Variants in PRKG1 observed in about 807,000 individuals in gnomAD.
PRKG1 encodes the protein protein kinase cGMP-dependent 1.
PRKG1 carries 35 observed loss-of-function variants against 88.1 expected under a neutral mutation model. The ratio of observed to expected loss-of-function variants is 0.40; its 90% CI spans 0.30 to 0.53. The LOEUF is 0.53. Among genes scored for constraint, PRKG1 ranks in the 20% least tolerant of loss-of-function variants. PRKG1 has a pLI of 0.59. For synonymous variants in PRKG1, 303 were observed against 292.5 expected (o/e 1.04, Z -0.37); for missense variants, 540 against 839.8 (o/e 0.64, Z 4.41).
intron 3 of PRKG1, among the ~76,000 whole-genome samples, chr10:51,622,579 G>T (rs146821681): frequency 6.6e-6 from 1 of 152,130 alleles, no homozygotes; most frequent in Admixed American, 6.5e-5. Flanking sequence ...ATTGAAAACG[G>T]TCATGGGAAT....
intron 10 of PRKG1, among the ~76,000 whole-genome samples, chr10:52,271,137 G>T (rs1841720577): frequency 6.6e-6 from 1 of 152,054 alleles, no homozygotes; most frequent in African/African-American, 2.4e-5. Flanking sequence ...TTGGAATCAA[G>T]TTAGTTAAAA....
chr10:51,571,150 A>G (rs1339016937), intron 3 of PRKG1, among the ~76,000 whole-genome samples: 2 of 152,034 alleles, frequency 1.3e-5, no homozygotes, highest in East Asian at 3.9e-4. Context: ...CCCTTAAGTA[A>G]TTAGGGTTGT....
At chr10:51,162,913 C>T (rs560581942) in intron 2 of PRKG1, among the ~76,000 whole-genome samples, 1 of 152,198 alleles carries the variant, frequency 6.6e-6, no homozygotes, top group African/African-American at 2.4e-5. Flanking sequence ...GAAATGGGCT[C>T]TCACTATGTT....
chr10:51,181,817 A>G (rs966710312), intron 2 of PRKG1, among the ~76,000 whole-genome samples: 1 of 152,238 alleles, frequency 6.6e-6, no homozygotes, highest in Non-Finnish European at 1.5e-5. Flanking sequence ...ACAGGTCTGC[A>G]TGACCATGGA....
Position 51,330,672 on chromosome 10 carries a change from T to A in PRKG1, c.479-137051T>A, listed in dbSNP as rs377636898. On this transcript the variant is annotated intron_variant, in intron 2 of 17. Coordinates refer to ENST00000373980, the MANE Select transcript of PRKG1 (RefSeq NM_006258.4). ...TATTGTTTTCTTCCAAGATTTCTGTTTGACTTTTTTCAAATCCTGTATTAA... is the reference window on the plus strand; with the variant it reads ...TATTGTTTTCTTCCAAGATTTCTGTATGACTTTTTTCAAATCCTGTATTAA... Among the ~76,000 whole-genome samples, 24 of 151,998 alleles carry A rather than the reference T, an allele frequency of 1.6e-4. 1 individual carries two copies. The highest frequency in any genetic ancestry group is 1.4e-3 in the Admixed American group (21 of 15,262).
intron 2 of PRKG1, among the ~76,000 whole-genome samples, chr10:51,420,726 G>A (rs1838387141): frequency 6.6e-6 from 1 of 152,196 alleles, no homozygotes; most frequent in Non-Finnish European, 1.5e-5. Flanking sequence ...AGAAATACCT[G>A]AGACTGGGTA....
intron 3 of PRKG1, among the ~76,000 whole-genome samples, chr10:51,596,878 C>T (rs1248390980): frequency 2.0e-5 from 3 of 152,050 alleles, no homozygotes; most frequent in African/African-American, 7.2e-5. Flanking sequence ...TAACAGTGGC[C>T]AGTGCTGTTC....
chr10:51,766,260 C>T lies in PRKG1; in HGVS notation c.593-38325C>T, dbSNP rs529005913. Reference sequence around the variant, plus strand: ...TTATAAAAAAGCAGTGAGGGCTGGGCATCTCATTTGCATAAGGCACACATT... The same window carrying T: ...TTATAAAAAAGCAGTGAGGGCTGGGTATCTCATTTGCATAAGGCACACATT... On this transcript the variant is annotated intron_variant, in intron 3 of 17. Coordinates refer to ENST00000373980, the MANE Select transcript of PRKG1 (RefSeq NM_006258.4). Among the ~76,000 whole-genome samples, 3 of 152,254 alleles carry T rather than the reference C, an allele frequency of 2.0e-5. No homozygotes were observed. In the East Asian group the frequency reaches 5.8e-4, roughly 29 times the overall value.
chr10:52,281,414 C>A (rs1012727073), intron 13 of PRKG1, among the ~76,000 whole-genome samples: 3 of 150,384 alleles, frequency 2.0e-5, no homozygotes, highest in Non-Finnish European at 4.4e-5. Flanking sequence ...AAGAGAAGTT[C>A]TTTTATTTAC....
intron 9 of PRKG1, among the ~76,000 whole-genome samples, chr10:52,220,661 A>G (rs1042576523): frequency 1.3e-5 from 2 of 152,100 alleles, no homozygotes; most frequent in African/African-American, 4.8e-5. Flanking sequence ...AAGTGAGAAC[A>G]TGCAGTATTT....
intron 2 of PRKG1, among the ~76,000 whole-genome samples, chr10:51,247,559 A>G (rs1281153286): frequency 6.6e-6 from 1 of 151,964 alleles, no homozygotes; most frequent in Non-Finnish European, 1.5e-5. Flanking sequence ...ATATAAAACA[A>G]AAATTGTTTG....
intron 9 of PRKG1, among the ~76,000 whole-genome samples, chr10:52,231,771 T>G (rs1330281954): frequency 1.3e-5 from 2 of 152,226 alleles, no homozygotes; most frequent in African/African-American, 4.8e-5. Context: ...TTGCAGTGAT[T>G]CTTATTGCTG....
chr10:51,817,161 C>T (rs1011941851), intron 4 of PRKG1, among the ~76,000 whole-genome samples: 11 of 151,810 alleles, frequency 7.2e-5, no homozygotes, highest in African/African-American at 2.2e-4. Context: ...TTTGGGGCAG[C>T]GGGGCCCAAA....
intron 1 of PRKG1, among the ~76,000 whole-genome samples, chr10:50,999,969 G>T (rs1842872292): frequency 6.6e-6 from 1 of 152,184 alleles, no homozygotes; most frequent in South Asian, 2.1e-4. Context: ...GGTAAGAGGA[G>T]CACTATCTAG....
chr10:52,200,755 C>T (rs1000586002), intron 9 of PRKG1, among the ~76,000 whole-genome samples: 5 of 152,060 alleles, frequency 3.3e-5, no homozygotes, highest in African/African-American at 9.7e-5. Context: ...CATTCTGACT[C>T]GTGTGAAATG....
intron 4 of PRKG1, among the ~76,000 whole-genome samples, chr10:51,877,582 T>C (rs1305768002): frequency 6.6e-6 from 1 of 152,220 alleles, no homozygotes; most frequent in Non-Finnish European, 1.5e-5. Context: ...AACCTCAAAA[T>C]TCACTTCTTT....
intron 3 of PRKG1, among the ~76,000 whole-genome samples, chr10:51,597,410 T>C (rs945990269): frequency 1.3e-5 from 2 of 152,178 alleles, no homozygotes; most frequent in African/African-American, 4.8e-5. Flanking sequence ...AATAACCCAT[T>C]TATTTAAGAG....
chr10:51,621,360 G>A (rs1839207301), intron 3 of PRKG1, among the ~76,000 whole-genome samples: 1 of 151,864 alleles, frequency 6.6e-6, no homozygotes, highest in South Asian at 2.1e-4. Context: ...CAAAACTTTT[G>A]CTTTGTGAGC....
chr10:51,598,291 TGA>T (rs1002481386), intron 3 of PRKG1, among the ~76,000 whole-genome samples: 1 of 152,170 alleles, frequency 6.6e-6, no homozygotes, highest in South Asian at 2.1e-4. Context: ...TTTTTTCCTT[TGA>T]GAGAGAGTCT....
Sources: allele counts gnomAD v4.1 joint callset (sites outside exome capture counted in the v4.1 genomes callset), GRCh38; gene constraint gnomAD v4.1.1; transcripts MANE v1.5; gene names NCBI Gene and HGNC (gene_info 2026-07-23, HGNC 2026-07-21).